The following MARCHF1 variants were observed in gnomAD, a reference collection of about 807,000 sequenced individuals.
MARCHF1 encodes membrane associated ring-CH-type finger 1, also known as E3 ubiquitin-protein ligase MARCHF1.
Under a neutral mutation model 54.2 loss-of-function variants are expected in MARCHF1, and 40 were observed. The ratio of observed to expected loss-of-function variants is 0.74; its 90% CI spans 0.57 to 0.96. The LOEUF is 0.96. MARCHF1 is among the 40% of genes least tolerant of loss of function. The pLI is 0.00. For missense variants in MARCHF1, 586 were observed against 656.5 expected, an observed-to-expected ratio of 0.89 and a Z score of 1.17; for synonymous variants, 236 against 236.3, an observed-to-expected ratio of 1.00 and a Z score of 0.01.
chr4:163,862,320 C>A (rs759458928), intron 3 of MARCHF1, among the ~76,000 whole-genome samples: 5 of 151,974 alleles, frequency 3.3e-5, no homozygotes, highest in Non-Finnish European at 5.9e-5. Context: ...GAGTAAAGGA[C>A]TTGTATTCCA....
chr4:164,204,392 C>T (rs948561368), intron 1 of MARCHF1, among the ~76,000 whole-genome samples: 7 of 152,118 alleles, frequency 4.6e-5, no homozygotes, highest in African/African-American at 1.7e-4. Flanking sequence ...CACGTACCTC[C>T]ACAAAAGAAT....
At chr4:163,910,214 T>C (rs1207023712) in intron 3 of MARCHF1, among the ~76,000 whole-genome samples, 1 of 152,174 alleles carries the variant, frequency 6.6e-6, no homozygotes, top group Non-Finnish European at 1.5e-5. Context: ...ATATAATACA[T>C]ATTTTAGGCT....
chr4:164,059,729 A>G (rs566914485), intron 2 of MARCHF1, among the ~76,000 whole-genome samples: 150 of 152,320 alleles, frequency 9.8e-4, no homozygotes, highest in African/African-American at 3.5e-3. Flanking sequence ...AATTCTTATT[A>G]AAGGAATCCT....
intron 2 of MARCHF1, among the ~76,000 whole-genome samples, chr4:163,989,673 G>A (rs1218124171): frequency 6.6e-6 from 1 of 152,146 alleles, no homozygotes; most frequent in Non-Finnish European, 1.5e-5. Context: ...TCTCAGTGAA[G>A]TAAATTCTTA....
intron 8 of MARCHF1, among the ~76,000 whole-genome samples, chr4:163,549,257 A>G (rs182599428): frequency 8.6e-5 from 13 of 151,958 alleles, no homozygotes; most frequent in Non-Finnish European, 1.9e-4. Context: ...GAAAATACAA[A>G]CTATTGCCTT....
At chr4:164,077,585 G>C (rs1361482741) in intron 2 of MARCHF1, among the ~76,000 whole-genome samples, 1 of 152,178 alleles carries the variant, frequency 6.6e-6, no homozygotes, top group Non-Finnish European at 1.5e-5. Flanking sequence ...GCATCAGAGT[G>C]AACAGGCAAC....
chr4:164,110,403 A>T (rs1175278375), intron 2 of MARCHF1, among the ~76,000 whole-genome samples: 1 of 151,738 alleles, frequency 6.6e-6, no homozygotes, highest in Non-Finnish European at 1.5e-5. Context: ...TCCCCTTTTT[A>T]TGTGATTCTT....
At chr4:163,966,736 G>C (rs917489256) in intron 3 of MARCHF1, among the ~76,000 whole-genome samples, 2 of 152,074 alleles carry the variant, frequency 1.3e-5, no homozygotes, top group African/African-American at 4.8e-5. Flanking sequence ...GCTTTAGTGA[G>C]GGAATCACTT....
intron 4 of MARCHF1, among the ~76,000 whole-genome samples, chr4:163,829,844 C>A (rs753344787): frequency 4.4e-4 from 67 of 152,200 alleles, no homozygotes; most frequent in Admixed American, 1.9e-3. Context: ...GCAGGCCTCA[C>A]TGTATACAGG....
intron 4 of MARCHF1, among the ~76,000 whole-genome samples, chr4:163,816,517 T>C (rs1167123143): frequency 1.3e-5 from 2 of 152,000 alleles, no homozygotes; most frequent in Non-Finnish European, 2.9e-5. Flanking sequence ...TTATTAGGAA[T>C]ACTATTTTAT....
chr4:163,724,170 C>T (rs1745574487), intron 4 of MARCHF1, among the ~76,000 whole-genome samples: 1 of 152,140 alleles, frequency 6.6e-6, no homozygotes, highest in Non-Finnish European at 1.5e-5. Context: ...TACCTTTGGT[C>T]TTTGATCATG....
chr4:163,592,515 A>AT (rs577036971), intron 7 of MARCHF1, among the ~76,000 whole-genome samples: 2,275 of 144,640 alleles, frequency 0.016, 30 homozygotes, highest in South Asian at 0.045. Context: ...AATCAGCCAC[A>AT]TTTTTTTTTT....
chr4:163,837,265 T>C (rs1020033760), intron 4 of MARCHF1, among the ~76,000 whole-genome samples: 8 of 152,020 alleles, frequency 5.3e-5, no homozygotes, highest in African/African-American at 1.7e-4. Context: ...AAGTAGAAAG[T>C]GTCAAAGCTA....
intron 2 of MARCHF1, among the ~76,000 whole-genome samples, chr4:164,057,082 G>GAC (rs1020043186): frequency 2.6e-5 from 4 of 152,246 alleles, no homozygotes; most frequent in African/African-American, 9.6e-5. Flanking sequence ...AAAACACTGT[G>GAC]ACACATAAAG....
intron 4 of MARCHF1, among the ~76,000 whole-genome samples, chr4:163,702,413 C>A (rs988577548): frequency 1.3e-5 from 2 of 152,116 alleles, no homozygotes. Flanking sequence ...GACAGAGTCA[C>A]ATAATATAAT....
chr4:163,976,536 C>T (rs905056464), intron 3 of MARCHF1, among the ~76,000 whole-genome samples: 5 of 152,198 alleles, frequency 3.3e-5, no homozygotes, highest in Admixed American at 6.5e-5. Flanking sequence ...TCTATATCCA[C>T]TCCCTTTGCA....
intron 1 of MARCHF1, among the ~76,000 whole-genome samples, chr4:164,186,059 A>G (rs1272139771): frequency 2.6e-5 from 4 of 152,054 alleles, no homozygotes; most frequent in African/African-American, 7.2e-5. Context: ...CAACCAGCTA[A>G]TTTTTGTATT....
chr4:164,381,757 A>T (rs1000434291), intron 1 of MARCHF1, among the ~76,000 whole-genome samples: 1 of 152,226 alleles, frequency 6.6e-6, no homozygotes, highest in Non-Finnish European at 1.5e-5. Context: ...TTGCTATTAC[A>T]ATACTTGAGG....
chr4:164,053,321 A>G (rs182888653), intron 2 of MARCHF1, among the ~76,000 whole-genome samples: 25 of 152,270 alleles, frequency 1.6e-4, no homozygotes, highest in Admixed American at 1.4e-3. Context: ...TTTGACCTGT[A>G]ATGTTGTTTC....
Sources: allele counts gnomAD v4.1 joint callset (sites outside exome capture counted in the v4.1 genomes callset), GRCh38; gene constraint gnomAD v4.1.1; transcripts MANE v1.5; gene names NCBI Gene and HGNC (gene_info 2026-07-23, HGNC 2026-07-21).